KRT38: variants seen among roughly 807,000 people sequenced by gnomAD.
KRT38 encodes keratin, type I cuticular Ha8.
A neutral mutation model predicts 43.1 loss-of-function variants in KRT38; 45 were observed. The observed-to-expected ratio is 1.04, with a 90% CI of 0.82 to 1.34. The LOEUF (loss-of-function observed/expected upper bound fraction) is 1.34, where lower values mean the gene tolerates loss of function less well. KRT38 is among the 40% of genes most tolerant of loss of function. KRT38 has a pLI of 0.00. For synonymous variants in KRT38, 258 were observed against 244.0 expected, an observed-to-expected ratio of 1.06 and a Z score of -0.53; for missense variants, 627 against 586.2, an observed-to-expected ratio of 1.07 and a Z score of -0.72.
intron 3 of KRT38, 141 bp from the exon 4 acceptor site, chr17:41,438,999 C>T (rs2018764923): frequency 1.6e-6 from 2 of 1,287,580 alleles, no homozygotes. Context: ...GCCCAGAGGG[C>T]ATTCGGGAGA....
chr17:41,440,371 C>T, intron 1 of KRT38, 59 bp downstream of exon 1: 1 of 1,599,374 alleles, frequency 6.3e-7, no homozygotes. Flanking sequence ...TACATGGATT[C>T]CTCCTGTCTT....
intron 6 of KRT38, 51 bp downstream of exon 6, chr17:41,438,042 C>T: frequency 1.3e-6 from 2 of 1,581,230 alleles, no homozygotes; most frequent in Non-Finnish European, 1.7e-6. Context: ...CTGAGGACCT[C>T]ATCAGAATTG....
chr17:41,437,692 C>A, intron 6 of KRT38, 151 bp from the exon 7 acceptor site: 1 of 706,986 alleles, frequency 1.4e-6, no homozygotes, highest in Non-Finnish European at 2.2e-6. Flanking sequence ...TGAGCACCTC[C>A]AGGGTTAGAC....
At chr17:41,439,449 A>G in intron 2 of KRT38, 90 bp from the exon 3 acceptor site, 1 of 1,432,316 alleles carries the variant, frequency 7.0e-7, no homozygotes, top group Admixed American at 1.9e-5. Context: ...ACCACCTTGG[A>G]TCCTCATTTA....
At chr17:41,437,969 C>G (rs1056755511) in intron 6 of KRT38, 124 bp downstream of exon 6, 4 of 897,740 alleles carry the variant, frequency 4.5e-6, no homozygotes, top group African/African-American at 1.7e-5. Flanking sequence ...GACAGGGCAA[C>G]GACTCACTGA....
In KRT38 at chr17:41,440,637, A is replaced by G. The variant is rs564167926; in HGVS notation, c.285T>C (p.Tyr95=). ...IPGNIGICGA[Y]GENTLNGHEK... ...CATGGCCATTCAGGGTGTTTTCACCATAGGCCCCACAGATTCCAATGTTGC... is the reference window on the plus strand; with the variant it reads ...CATGGCCATTCAGGGTGTTTTCACCGTAGGCCCCACAGATTCCAATGTTGC... Residue 95 remains tyrosine, a synonymous_variant, in exon 1 of 7, where the codon TAT becomes TAC. Coordinates refer to ENST00000246646, the MANE Select transcript of KRT38 (RefSeq NM_006771.4). 43 of 1,614,186 alleles carry G rather than the reference A, an allele frequency of 2.7e-5. No homozygotes were observed. The Admixed American group carries it at 5.5e-4, about 21-fold the overall frequency.
chr17:41,437,669 C>T, intron 6 of KRT38, 128 bp from the exon 7 acceptor site: 2 of 935,766 alleles, frequency 2.1e-6, no homozygotes, highest in Non-Finnish European at 1.5e-6. Context: ...ACCCTGTGAC[C>T]ATTAGCACCT....
At position 41,440,641 on chromosome 17, in the gene KRT38, G is replaced by A; in HGVS notation, c.281C>T (p.Ala94Val). The A allele has an allele frequency of 6.2e-7, 1 of 1,614,156 alleles. No homozygotes were observed. The highest frequency in any genetic ancestry group is 8.5e-7 in the Non-Finnish European group (1 of 1,180,038). ...GCCATTCAGGGTGTTTTCACCATAGGCCCCACAGATTCCAATGTTGCCAGG... is the reference window on the plus strand; with the variant it reads ...GCCATTCAGGGTGTTTTCACCATAGACCCCACAGATTCCAATGTTGCCAGG... Reference protein sequence around the residue: ...HIPGNIGICGAYGENTLNGHE... With the variant: ...HIPGNIGICGVYGENTLNGHE... Residue 94 changes from alanine to valine, a missense_variant, in exon 1 of 7, where the codon GCC (alanine) becomes GTC (valine). Physicochemically the swap from Ala to Val is moderately conservative, Grantham distance 64. Coordinates refer to ENST00000246646, the MANE Select transcript of KRT38 (RefSeq NM_006771.4).
rs376974563 is a variant in KRT38 at position 41,440,906 on chromosome 17, T to A, written c.16A>T (p.Ser6Cys). The A allele has an allele frequency of 6.5e-7, 1 of 1,540,446 alleles. No individual in the cohort carries two copies. The highest frequency in any genetic ancestry group is 1.4e-5 in the African/African-American group (1 of 72,646). The change falls in exon 1 of 7, where the codon AGC becomes TGC. Residue 6 changes from serine (S) to cysteine (C), a missense_variant. Transcript: ENST00000246646. ...CAACCCAGAGGGCATGAGGAGCTGC[T>A]GTAGGAAGAGGTCATGGTGTTGGGC... MTSSYSSSSCPLGCTM... is the reference protein window; with the variant it reads MTSSYCSSSCPLGCTM...
At position 41,437,270 on chromosome 17, in the gene KRT38, G is replaced by C; in HGVS notation, c.*142C>G. The C allele has an allele frequency of 1.2e-6, 1 of 846,284 alleles. No homozygotes were observed. Among genetic ancestry groups the C allele is most frequent in the Non-Finnish European group, 1.6e-6 (1 of 615,376 alleles). 52.4% of individuals were successfully genotyped at this position (846,284 alleles called of 1,614,324 possible). On this transcript the variant is annotated 3_prime_UTR_variant, in exon 7 of 7. Transcript: ENST00000246646. ...GCAGGAAAGGAAGGATTTCCATCAA[G>C]ATTCCACTGTCCCTGGTATCTCATA...
chr17:41,440,047 T>C, intron 2 of KRT38, 114 bp downstream of exon 2: 4 of 855,592 alleles, frequency 4.7e-6, no homozygotes, highest in African/African-American at 3.4e-5. Context: ...AAAATTTTAC[T>C]GTAGAGAATC....
Position 41,437,509 on chromosome 17 carries a change from G to C in KRT38, c.1274C>G (p.Ser425Cys). Reference sequence around the variant, plus strand: ...AGGAGCACAGGGGGCAGTCACGCAGGAGGGAGACGTGGAGCACGGATTGCA... The same window carrying C: ...AGGAGCACAGGGGGCAGTCACGCAGCAGGGAGACGTGGAGCACGGATTGCA... ...LPCNPCSTSP[S>C]CVTAPCAPRP... The change falls in exon 7 of 7, where the codon TCC becomes TGC. Residue 425 changes from serine (S) to cysteine (C), a missense_variant. By Grantham distance (112) the Ser-to-Cys change is moderately radical. Coordinates refer to ENST00000246646, the MANE Select transcript of KRT38 (RefSeq NM_006771.4). The C allele has an allele frequency of 6.4e-7, 1 of 1,563,314 alleles. No individual in the cohort carries two copies. The highest frequency in any genetic ancestry group is 2.2e-4 in the Middle Eastern group (1 of 4,592).
In KRT38 at chr17:41,440,186, G is replaced by A. The variant is rs752168450; in HGVS notation, c.550C>T (p.Leu184=). 5.6e-6 allele frequency: 9 copies of A among 1,614,206 alleles called. No homozygotes were observed. The African/African-American group carries it at 9.3e-5, about 17-fold the overall frequency. Reference sequence around the variant, plus strand: ...TTGATCCTAAAGTCATCGGCAGCCAGCTTGGCATTGTCAATTTGTACAATC... The same window carrying A: ...TTGATCCTAAAGTCATCGGCAGCCAACTTGGCATTGTCAATTTGTACAATC... ...RLIVQIDNAK[L]AADDFRIKLE... The change falls in exon 2 of 7, where the codon CTG becomes TTG. Residue 184 remains leucine (L), a synonymous_variant. Transcript: ENST00000246646.
At chr17:41,438,970 A>C in intron 3 of KRT38, 112 bp from the exon 4 acceptor site, 1 of 1,365,502 alleles carries the variant, frequency 7.3e-7, no homozygotes, top group Non-Finnish European at 1.0e-6. Flanking sequence ...TCCCACACAC[A>C]AGCAAATGGG....
rs1284186183 is a variant in KRT38 at position 41,440,254 on chromosome 17, C to G, written c.493-11G>C. On this transcript the variant is annotated splice_polypyrimidine_tract_variant and intron_variant, in intron 1 of 6. Coordinates refer to ENST00000246646, the MANE Select transcript of KRT38 (RefSeq NM_006771.4). ...CTTGCTGCACAGGATCTGAGGAGAA[C>G]AGGAAGACAGTTCACACACAAAGCA... The G allele has an allele frequency of 1.2e-6, 2 of 1,613,916 alleles. No individual in the cohort carries two copies. The highest frequency in any genetic ancestry group is 1.7e-6 in the Non-Finnish European group (2 of 1,179,822).
In KRT38 at chr17:41,440,712, C is replaced by A. The variant is rs200712750; in HGVS notation, c.210G>T (p.Pro70=). Residue 70 remains proline, a synonymous_variant, in exon 1 of 7, where the codon CCG becomes CCT. Transcript: ENST00000246646. ...AGGGACAAGCAGTGTGGCAGGTAGG[C>A]GGCAGACAGAGGCTGGGGCGGCCCA... ...TPLGRPSLCL[P]PTCHTACPLP... 10 of 1,614,038 alleles carry A rather than the reference C, an allele frequency of 6.2e-6. No individual in the cohort carries two copies.
chr17:41,438,414 G>A, intron 5 of KRT38, 77 bp downstream of exon 5: 1 of 1,609,070 alleles, frequency 6.2e-7, no homozygotes, highest in African/African-American at 1.3e-5. Flanking sequence ...AACTTGGGTA[G>A]TGAGACCTCC....
rs567601507 is a variant in KRT38, at chr17:41,437,202, A to G, written c.*210T>C. 14 of 441,652 alleles carry G rather than the reference A, an allele frequency of 3.2e-5. No homozygotes were observed. Among genetic ancestry groups the G allele is most frequent in the African/African-American group, 2.4e-4 (12 of 49,282 alleles). 27.4% of individuals were successfully genotyped at this position (441,652 alleles called of 1,614,324 possible). A position where few individuals can be genotyped will look rare whatever the true frequency, so the allele number is the denominator to read the frequency against. ...TTCTGAGCCACCATGGGTGGCTGCA[A>G]TCCAGCCACTGAGGGCATAGAGCTC... On this transcript the variant is annotated 3_prime_UTR_variant, in exon 7 of 7. Coordinates refer to ENST00000246646, the MANE Select transcript of KRT38 (RefSeq NM_006771.4).
At position 41,438,862 on chromosome 17, in the gene KRT38, C is replaced by A; in HGVS notation, c.733-4G>T. On this transcript the variant is annotated splice_region_variant and splice_polypyrimidine_tract_variant and intron_variant, in intron 3 of 6. Transcript: ENST00000246646. ...GACTCCTCAGAATCTTTACTTCCTG[C>A]AGAAGGGAGGAAGGGACAGACAGCC... The A allele has an allele frequency of 1.2e-6, 2 of 1,613,878 alleles. No individual in the cohort carries two copies. Among genetic ancestry groups the A allele is most frequent in the Non-Finnish European group, 1.7e-6 (2 of 1,179,854 alleles).
Sources: allele counts gnomAD v4.1 joint callset, GRCh38; gene constraint gnomAD v4.1.1; transcripts MANE v1.5; gene names NCBI Gene and HGNC (gene_info 2026-07-23, HGNC 2026-07-21).